Variants in NBEAL1 observed in about 807,000 individuals in gnomAD.
NBEAL1 encodes neurobeachin-like protein 1.
NBEAL1 carries 273 observed loss-of-function variants against 351.3 expected under a neutral mutation model. The observed-to-expected ratio is 0.78, with a 90% CI of 0.70 to 0.86. The LOEUF is 0.86. Among genes scored for constraint, NBEAL1 ranks in the 40% least tolerant of loss-of-function variants. NBEAL1 has a pLI of 0.00. For synonymous variants in NBEAL1, 1,050 were observed against 1,086.4 expected (o/e 0.97, Z 0.66); for missense variants, 2,961 against 3,201.3 (o/e 0.92, Z 1.81).
intron 30 of NBEAL1, 136 bp downstream of exon 30, chr2:203,138,451 C>A: frequency 2.9e-6 from 3 of 1,037,962 alleles, no homozygotes; most frequent in Non-Finnish European, 4.1e-6. Context: ...GATGAATAGT[C>A]ACAGATTTTT....
chr2:203,056,531 T>G lies in NBEAL1; in HGVS notation c.387+23T>G, dbSNP rs751842861. 2.9e-6 allele frequency: 4 copies of G among 1,363,726 alleles called. No homozygotes were observed. The East Asian group carries it at 9.9e-5, about 34-fold the overall frequency. The allele number at this position is 1,363,726 out of a possible 1,614,324, so 84.5% of individuals were successfully genotyped here. ...CAAGTAGGTGTGAACTAATCTTTTTTGTCACTTTACTGAGAACAACTAGGT... is the reference window on the plus strand; with the variant it reads ...CAAGTAGGTGTGAACTAATCTTTTTGGTCACTTTACTGAGAACAACTAGGT... On this transcript the variant is annotated intron_variant, in intron 5 of 55. Transcript: ENST00000683969.
chr2:203,100,547 T>TC (rs1246524240), intron 12 of NBEAL1, among the ~76,000 whole-genome samples: 1 of 125,178 alleles, frequency 8.0e-6, no homozygotes, highest in Non-Finnish European at 1.9e-5. Flanking sequence ...TGTTTTCTTT[T>TC]CTTTTTTTTT....
chr2:203,141,366 A>ATTTTTATTTTTTTTTTTTTTTTTTT (rs2063370884), intron 31 of NBEAL1, among the ~76,000 whole-genome samples: 1 of 9,098 alleles, frequency 1.1e-4, no homozygotes, highest in African/African-American at 2.7e-4. Flanking sequence ...TATTATTATT[A>ATTTTTATTTTTTTTTTTTTTTTTTT]TTTTTTTTTT....
At position 203,199,425 on chromosome 2, in the gene NBEAL1, G is replaced by A. The variant is rs1463302629; in HGVS notation, c.7216G>A (p.Asp2406Asn). 6.3e-7 allele frequency: 1 copy of A among 1,597,224 alleles called. No individual in the cohort carries two copies. The highest frequency in any genetic ancestry group is 8.6e-7 in the Non-Finnish European group (1 of 1,166,402). ...TTCTAATTACTTTACATTCATCAAGGATCAAACTGTGACAAATCCAAAGTA... is the reference window on the plus strand; with the variant it reads ...TTCTAATTACTTTACATTCATCAAGAATCAAACTGTGACAAATCCAAAGTA... ...NISNYFTFIK[D>N]QTVTNPKTQR... Residue 2406 changes from aspartate to asparagine, a missense_variant, in exon 49 of 56, where the codon GAT becomes AAT. Physicochemically the swap from Asp to Asn is conservative, Grantham distance 23. Coordinates refer to ENST00000683969, the MANE Select transcript of NBEAL1 (RefSeq NM_001378026.1).
chr2:203,157,701 A>G lies in NBEAL1; in HGVS notation c.5590A>G (p.Ile1864Val), dbSNP rs1221312529. ...EASALRDNLGIQHSQPSSDTL... is the reference protein window; with the variant it reads ...EASALRDNLGVQHSQPSSDTL... ...TAGATATTTTGTGTTTAAAACAGGT[A>G]TCCAACACTCACAGCCTTCCAGTGA... The change falls in exon 36 of 56, where the codon ATC (isoleucine) becomes GTC (valine). Residue 1864 changes from isoleucine (I) to valine (V), a missense_variant and splice_region_variant. Transcript: ENST00000683969. 1.9e-6 allele frequency: 3 copies of G among 1,581,374 alleles called. No homozygotes were observed. The highest frequency in any genetic ancestry group is 1.9e-5 in the Admixed American group (1 of 52,714).
chr2:203,131,891 T>A, intron 25 of NBEAL1, 82 bp from the exon 26 acceptor site: 2 of 988,640 alleles, frequency 2.0e-6, no homozygotes, highest in Non-Finnish European at 2.9e-6. Context: ...ATATTTAATG[T>A]TAATAAGTTA....
chr2:203,125,830 A>G, intron 20 of NBEAL1, 130 bp from the exon 21 acceptor site: 1 of 733,756 alleles, frequency 1.4e-6, no homozygotes, highest in Non-Finnish European at 2.1e-6. Flanking sequence ...TCTATTGTAC[A>G]ATAGAGCGTT....
Position 203,151,463 on chromosome 2 carries a change from A to G in NBEAL1, c.5463-2A>G. ...TACTTATTTGCTTATGAATATTCTT[A>G]GGAAACAGAATCCAATTCACTGGAA... is the stretch of plus-strand genomic sequence containing the variant. On this transcript the variant is annotated splice_acceptor_variant, in intron 34 of 55. Transcript: ENST00000683969. LOFTEE classifies it high-confidence loss of function. 2 of 1,580,802 alleles carry G rather than the reference A, an allele frequency of 1.3e-6. No individual in the cohort carries two copies. Among genetic ancestry groups the G allele is most frequent in the African/African-American group, 1.4e-5 (1 of 73,708 alleles).
intron 10 of NBEAL1, among the ~76,000 whole-genome samples, chr2:203,087,040 A>AT (rs1456778630): frequency 7.4e-6 from 1 of 135,218 alleles, no homozygotes; most frequent in East Asian, 2.1e-4. Flanking sequence ...TCAGGCTTTA[A>AT]TTTTTTTGCC....
intron 5 of NBEAL1, among the ~76,000 whole-genome samples, chr2:203,057,018 G>T (rs2061414733): frequency 1.3e-5 from 2 of 152,104 alleles, no homozygotes; most frequent in South Asian, 4.1e-4. Context: ...TATATATACT[G>T]TTATTTAATT....
intron 52 of NBEAL1, 119 bp from the exon 53 acceptor site, chr2:203,209,042 G>A (rs773315610): frequency 1.3e-6 from 1 of 791,258 alleles, no homozygotes; most frequent in Non-Finnish European, 2.0e-6. Flanking sequence ...TATCCTTGAT[G>A]GAATAATCAT....
chr2:203,220,710 A>G lies in NBEAL1; in HGVS notation c.*3356A>G, dbSNP rs2065945437. Among the ~76,000 whole-genome samples, 1 of 152,194 alleles carries G rather than the reference A, an allele frequency of 6.6e-6. No homozygotes were observed. Among genetic ancestry groups the G allele is most frequent in the Non-Finnish European group, 1.5e-5 (1 of 68,038 alleles). ...TAAAATTTTTTTACAACTGTTTGCA[A>G]TCAGTATTCTGGCATTACTCAGATA... On this transcript the variant is annotated 3_prime_UTR_variant, in exon 56 of 56. Transcript: ENST00000683969.
At chr2:203,205,485 T>C (rs2105825712) in intron 51 of NBEAL1, among the ~76,000 whole-genome samples, 1 of 152,340 alleles carries the variant, frequency 6.6e-6, no homozygotes, top group South Asian at 2.1e-4. Flanking sequence ...ATTTTGTATT[T>C]CCAATAATGT....
Position 203,126,691 on chromosome 2 carries a change from C to G in NBEAL1, c.3120C>G (p.Asn1040Lys). The G allele has an allele frequency of 6.6e-7, 1 of 1,511,602 alleles. No homozygotes were observed. Among genetic ancestry groups the G allele is most frequent in the Non-Finnish European group, 8.8e-7 (1 of 1,130,298 alleles). 93.6% of individuals were successfully genotyped at this position (1,511,602 alleles called of 1,614,324 possible). A position where few individuals can be genotyped will look rare whatever the true frequency, so the allele number is the denominator to read the frequency against. Residue 1040 changes from asparagine to lysine, a missense_variant, in exon 22 of 56, where the codon AAC becomes AAG. Asn to Lys is a moderately conservative substitution (Grantham distance 94). Transcript: ENST00000683969. The stretch of plus-strand genomic sequence containing the variant: ...TACTCTTTGACTTTCGTATTTGGAA[C>G]CGTGGAGATTTTCCCTTTCGAATCG... ...QYLLFDFRIWNRGDFPFRIGH... is the reference protein window; with the variant it reads ...QYLLFDFRIWKRGDFPFRIGH...
chr2:203,208,411 G>A (rs2065671796), intron 51 of NBEAL1, among the ~76,000 whole-genome samples: 1 of 152,166 alleles, frequency 6.6e-6, no homozygotes, highest in African/African-American at 2.4e-5. Flanking sequence ...TGTCAACATT[G>A]CAAAAATTTA....
rs2063835547 is a variant in NBEAL1 at position 203,157,775 on chromosome 2, G to A, written c.5664G>A (p.Val1888=). 3.1e-6 allele frequency: 5 copies of A among 1,593,816 alleles called. No homozygotes were observed. In the East Asian group the frequency reaches 1.1e-4, roughly 37 times the overall value. The change falls in exon 36 of 56, where the codon GTG becomes GTA. Residue 1888 remains valine (V), a synonymous_variant. Coordinates refer to ENST00000683969, the MANE Select transcript of NBEAL1 (RefSeq NM_001378026.1). ...VVKQVKVSDM[V]EDKLDLPEED... ...AACAAGTAAAAGTTAGTGATATGGT[G>A]GAGGATAAATTAGACCTTCCTGAAG...
intron 2 of NBEAL1, among the ~76,000 whole-genome samples, chr2:203,021,708 T>C (rs1195443329): frequency 6.6e-6 from 1 of 152,152 alleles, no homozygotes; most frequent in Non-Finnish European, 1.5e-5. Context: ...CAATTTTTGT[T>C]TCTATATTAT....
At chr2:203,033,261 A>G (rs534775492) in intron 2 of NBEAL1, among the ~76,000 whole-genome samples, 2 of 152,176 alleles carry the variant, frequency 1.3e-5, no homozygotes, top group African/African-American at 2.4e-5. Flanking sequence ...CGGCCTCCCA[A>G]AGTGCTGGAA....
chr2:203,201,216 G>T (rs1218869208), intron 49 of NBEAL1, among the ~76,000 whole-genome samples: 1 of 152,092 alleles, frequency 6.6e-6, no homozygotes, highest in African/African-American at 2.4e-5. Context: ...ATCCTGTCTT[G>T]TCTTTAAACT....
Sources: gnomAD v4.1 joint callset for allele counts (sites outside exome capture counted in the v4.1 genomes callset) on GRCh38, gnomAD v4.1.1 for gene constraint, MANE v1.5 for transcripts, NCBI Gene and HGNC (gene_info 2026-07-23, HGNC 2026-07-21) for gene names.